Variants in ZNF148 observed in about 807,000 individuals in gnomAD.
ZNF148 encodes the protein Beta-Enolase Repressor Factor-1.
Under a neutral mutation model 67.7 loss-of-function variants are expected in ZNF148, and 7 were observed. The observed-to-expected ratio is 0.10, with a 90% confidence interval of 0.06 to 0.19. The LOEUF is 0.19. Ranked by LOEUF, ZNF148 falls within the 10% of genes least tolerant of loss-of-function variation. The probability of loss-of-function intolerance (pLI) is 1.00; values close to 1 mark genes in which losing one functional copy is unlikely to be tolerated. For missense variants in ZNF148, 583 were observed against 947.1 expected, an observed-to-expected ratio of 0.62 and a Z score of 5.05; for synonymous variants, 333 against 330.7, an observed-to-expected ratio of 1.01 and a Z score of -0.08.
chr3:125,258,553 C>A (rs926349860), intron 7 of ZNF148, among the ~76,000 whole-genome samples: 2 of 152,008 alleles, frequency 1.3e-5, no homozygotes, highest in Admixed American at 6.6e-5. Context: ...AGGTGTGCAC[C>A]ACTGCACCTG....
Position 125,313,753 on chromosome 3 carries a change from A to C in ZNF148, c.-16-97T>G, listed in dbSNP as rs950270864. ...ATTAAGAATTTGAACATTCAAATAC[A>C]AAGATTTTATTGATGTACTTTGGAA... On this transcript the variant is annotated intron_variant, in intron 3 of 8. Coordinates refer to ENST00000360647, the MANE Select transcript of ZNF148 (RefSeq NM_021964.3). 3.0e-6 allele frequency: 3 copies of C among 1,001,314 alleles called. No individual in the cohort carries two copies. The African/African-American group carries it at 4.9e-5, about 16-fold the overall frequency. The allele number at this position is 1,001,314 out of a possible 1,614,324, so 62.0% of individuals were successfully genotyped here. A position where few individuals can be genotyped will look rare whatever the true frequency, so the allele number is the denominator to read the frequency against.
chr3:125,350,046 CATA>C (rs1192415839), intron 1 of ZNF148, among the ~76,000 whole-genome samples: 22 of 152,086 alleles, frequency 1.4e-4, no homozygotes, highest in Non-Finnish European at 2.8e-4. Flanking sequence ...CAAAATGGTG[CATA>C]ATATTTTTTT....
At chr3:125,284,458 A>G (rs970172273) in intron 5 of ZNF148, among the ~76,000 whole-genome samples, 1 of 152,176 alleles carries the variant, frequency 6.6e-6, no homozygotes, top group African/African-American at 2.4e-5. Context: ...TGAGAAGTGA[A>G]GTGATTATAA....
chr3:125,288,322 T>C (rs1462656529), intron 4 of ZNF148, 94 bp from the exon 5 acceptor site: 4 of 1,305,910 alleles, frequency 3.1e-6, no homozygotes, highest in Non-Finnish European at 3.1e-6. Context: ...TAAACCCACA[T>C]ACAGGTGCTT....
chr3:125,299,232 A>G (rs545820530), intron 4 of ZNF148, among the ~76,000 whole-genome samples: 10 of 152,348 alleles, frequency 6.6e-5, no homozygotes, highest in Admixed American at 2.0e-4. Context: ...GTCCTAAATG[A>G]TTTCCAGTTG....
chr3:125,241,498 T>G (rs1173935855), intron 7 of ZNF148, among the ~76,000 whole-genome samples: 1 of 152,146 alleles, frequency 6.6e-6, no homozygotes, highest in Non-Finnish European at 1.5e-5. Context: ...TCCCTCATTC[T>G]TTTACAAAGA....
chr3:125,336,089 A>G (rs1941478481), intron 1 of ZNF148, among the ~76,000 whole-genome samples: 2 of 152,238 alleles, frequency 1.3e-5, no homozygotes, highest in Non-Finnish European at 1.5e-5. Flanking sequence ...TAATTAAGGT[A>G]ATCTTTCTAG....
intron 3 of ZNF148, among the ~76,000 whole-genome samples, chr3:125,322,042 T>A (rs1940799552): frequency 6.9e-6 from 1 of 145,580 alleles, no homozygotes; most frequent in African/African-American, 2.6e-5. Context: ...TTTTTTTTTT[T>A]TTTTTTTGAG....
intron 7 of ZNF148, among the ~76,000 whole-genome samples, chr3:125,247,859 C>A (rs1293392960): frequency 2.0e-5 from 3 of 152,110 alleles, no homozygotes; most frequent in African/African-American, 4.8e-5. Context: ...AAGCCCTATG[C>A]ACAAATTAAA....
intron 1 of ZNF148, among the ~76,000 whole-genome samples, chr3:125,368,860 G>T (rs1054077704): frequency 6.6e-6 from 1 of 151,962 alleles, no homozygotes; most frequent in African/African-American, 2.4e-5. Context: ...CAGGAGAATC[G>T]CTTGAACCTG....
rs1208359592 is a variant in ZNF148, at chr3:125,229,662, T to C, written c.*2679A>G. 6.6e-6 allele frequency: 1 copy of C among 152,180 alleles called. No individual in the cohort carries two copies. The highest frequency in any genetic ancestry group is 2.4e-5 in the African/African-American group (1 of 41,442). 9.4% of individuals were successfully genotyped at this position (152,180 alleles called of 1,614,324 possible). A position where few individuals can be genotyped will look rare whatever the true frequency, so the allele number is the denominator to read the frequency against. The stretch of plus-strand genomic sequence containing the variant: ...GTTTAAGGGTGTACCAGCATGTTTT[T>C]ATAGAACAATGTGCTCACTTTGAGA... On this transcript the variant is annotated 3_prime_UTR_variant, in exon 9 of 9. Coordinates refer to ENST00000360647, the MANE Select transcript of ZNF148 (RefSeq NM_021964.3).
chr3:125,237,811 C>T (rs937428176), intron 7 of ZNF148, among the ~76,000 whole-genome samples: 2 of 152,056 alleles, frequency 1.3e-5, no homozygotes, highest in Non-Finnish European at 2.9e-5. Context: ...TCTTAAAATT[C>T]GCATCTAAAA....
At chr3:125,302,483 A>G (rs562025170) in intron 4 of ZNF148, among the ~76,000 whole-genome samples, 1 of 152,354 alleles carries the variant, frequency 6.6e-6, no homozygotes, top group Non-Finnish European at 1.5e-5. Flanking sequence ...AGTAAGAAGT[A>G]AGGGATAGAA....
intron 3 of ZNF148, among the ~76,000 whole-genome samples, chr3:125,317,679 A>AGAGAGAGAGAGAGAG (rs61407940): frequency 6.1e-5 from 7 of 114,824 alleles, no homozygotes; most frequent in Admixed American, 1.8e-4. Context: ...AGAGAGAGAG[A>AGAGAGAGAGAGAGAG]AATACATATA....
At chr3:125,344,707 G>A (rs1032336330) in intron 1 of ZNF148, 6 of 611,506 alleles carry the variant, frequency 9.8e-6, no homozygotes, top group Admixed American at 2.2e-5. Context: ...GAATCTGGGT[G>A]CCACTTCAGT....
At chr3:125,319,168 C>A (rs1940661002) in intron 3 of ZNF148, among the ~76,000 whole-genome samples, 1 of 152,134 alleles carries the variant, frequency 6.6e-6, no homozygotes, top group Non-Finnish European at 1.5e-5. Context: ...CTCCTGTCTA[C>A]CAGAAGAAAT....
chr3:125,317,001 C>G (rs1940528615), intron 3 of ZNF148, among the ~76,000 whole-genome samples: 1 of 152,078 alleles, frequency 6.6e-6, no homozygotes, highest in Admixed American at 6.6e-5. Context: ...GAGAGCACAC[C>G]TTGATACAGA....
intron 1 of ZNF148, among the ~76,000 whole-genome samples, chr3:125,340,987 CAAAAA>C (rs934719609): frequency 4.1e-4 from 5 of 12,172 alleles, no homozygotes; most frequent in Admixed American, 4.0e-3. Context: ...GACTCCGGCT[CAAAAA>C]AAAAAAAAAA....
intron 5 of ZNF148, among the ~76,000 whole-genome samples, chr3:125,286,492 T>C (rs951878512): frequency 2.0e-5 from 3 of 152,142 alleles, no homozygotes; most frequent in African/African-American, 4.8e-5. Flanking sequence ...AAGAGTAACA[T>C]TATCAAGAAA....
Sources: gnomAD v4.1 joint callset for allele counts (sites outside exome capture counted in the v4.1 genomes callset) on GRCh38, gnomAD v4.1.1 for gene constraint, MANE v1.5 for transcripts, NCBI Gene and HGNC (gene_info 2026-07-23, HGNC 2026-07-21) for gene names.